ANKRD11: variants seen among roughly 807,000 people sequenced by gnomAD.
The protein encoded by ANKRD11 is ankyrin repeat domain 11, also known as ankyrin repeat domain-containing protein 11.
ANKRD11 carries 17 observed loss-of-function variants against 195.7 expected under a neutral mutation model. That is an observed-to-expected ratio of 0.09 (90% confidence interval 0.06 to 0.13). The LOEUF (loss-of-function observed/expected upper bound fraction) is 0.13. Ranked by LOEUF, ANKRD11 falls within the 10% of genes least tolerant of loss-of-function variation. The pLI is 1.00. For missense variants in ANKRD11, 3,735 were observed against 3,566.1 expected (o/e 1.05, Z -1.21); for synonymous variants, 1,953 against 1,528.1 (o/e 1.28, Z -6.49).
chr16:89,332,556 C>T (rs1328567122), intron 2 of ANKRD11, among the ~76,000 whole-genome samples: 1 of 152,234 alleles, frequency 6.6e-6, no homozygotes, highest in Non-Finnish European at 1.5e-5. Flanking sequence ...AAAATGAGGA[C>T]AAGAACCCAT....
At chr16:89,442,595 G>A (rs1369576479) in intron 1 of ANKRD11, among the ~76,000 whole-genome samples, 1 of 152,150 alleles carries the variant, frequency 6.6e-6, no homozygotes, top group Non-Finnish European at 1.5e-5. Flanking sequence ...TTCAGGAACG[G>A]TTTTACGCAT....
In ANKRD11 at chr16:89,278,733, C is replaced by G. The variant is rs750115842; in HGVS notation, c.7470+339G>C. The stretch of plus-strand genomic sequence containing the variant: ...ACACAGGGGGTGGCTCTCGTGAGGC[C>G]GTCCTGGTGGACGGGGAGTGGAGAG... On this transcript the variant is annotated intron_variant, in intron 9 of 12. Transcript: ENST00000301030. The G allele has an allele frequency of 2.3e-5, 12 of 520,420 alleles. No individual in the cohort carries two copies. The Middle Eastern group carries it at 2.8e-3, about 123-fold the overall frequency. 32.2% of individuals were successfully genotyped at this position (520,420 alleles called of 1,614,324 possible). A position where few individuals can be genotyped will look rare whatever the true frequency, so the allele number is the denominator to read the frequency against.
chr16:89,325,113 A>T (rs2037623255), intron 2 of ANKRD11: 1 of 153,076 alleles, frequency 6.5e-6, no homozygotes, highest in African/African-American at 2.4e-5. Context: ...CCAAAAGAAA[A>T]GCAGGTGCAC....
chr16:89,302,079 T>C (rs2035890392), intron 4 of ANKRD11, among the ~76,000 whole-genome samples: 1 of 152,216 alleles, frequency 6.6e-6, no homozygotes, highest in South Asian at 2.1e-4. Context: ...CAGTTAACCC[T>C]GCACCAATGT....
intron 2 of ANKRD11, chr16:89,320,293 T>C (rs2037228035): frequency 6.6e-6 from 1 of 152,286 alleles, no homozygotes; most frequent in Non-Finnish European, 1.5e-5. Context: ...GACTCTTCCC[T>C]GGAAGGTGAC....
At chr16:89,402,399 T>C (rs922588839) in intron 2 of ANKRD11, among the ~76,000 whole-genome samples, 1 of 152,018 alleles carries the variant, frequency 6.6e-6, no homozygotes, top group African/African-American at 2.4e-5. Flanking sequence ...GCACATCAAT[T>C]TAAATTTAGG....
chr16:89,442,210 C>G (rs2043542815), intron 1 of ANKRD11, among the ~76,000 whole-genome samples: 1 of 152,250 alleles, frequency 6.6e-6, no homozygotes, highest in African/African-American at 2.4e-5. Context: ...CGCACGCCCA[C>G]TGGTGCCAGT....
chr16:89,303,855 A>G (rs1291886578), intron 4 of ANKRD11, among the ~76,000 whole-genome samples: 2 of 151,976 alleles, frequency 1.3e-5, no homozygotes, highest in East Asian at 3.9e-4. Flanking sequence ...CTCTTCAACA[A>G]TCTCCTTCGT....
chr16:89,338,358 T>C (rs2038481706), intron 2 of ANKRD11, among the ~76,000 whole-genome samples: 1 of 149,040 alleles, frequency 6.7e-6, no homozygotes, highest in South Asian at 2.1e-4. Flanking sequence ...ACTGACTACC[T>C]GCAAAATTGA....
At chr16:89,395,303 C>T (rs1211951662) in intron 2 of ANKRD11, among the ~76,000 whole-genome samples, 1 of 152,244 alleles carries the variant, frequency 6.6e-6, no homozygotes, top group Non-Finnish European at 1.5e-5. Context: ...CTCTTTCCAG[C>T]TCCGTAATCC....
intron 1 of ANKRD11, among the ~76,000 whole-genome samples, chr16:89,421,963 T>C (rs2042528266): frequency 6.6e-6 from 1 of 152,202 alleles, no homozygotes; most frequent in Admixed American, 6.5e-5. Context: ...AGGAGTCGGC[T>C]ACACGCATTC....
intron 2 of ANKRD11, among the ~76,000 whole-genome samples, chr16:89,349,895 CACACACACACACACACAT>C (rs1288885378): frequency 5.3e-4 from 71 of 133,686 alleles, no homozygotes; most frequent in South Asian, 1.3e-3. Flanking sequence ...CACACACACA[CACACACACACACACACAT>C]ATTCAAACAA....
At chr16:89,452,076 C>A (rs4594255) in intron 1 of ANKRD11, among the ~76,000 whole-genome samples, 1 of 151,508 alleles carries the variant, frequency 6.6e-6, no homozygotes, top group African/African-American at 2.4e-5. Flanking sequence ...CTGGACAACA[C>A]GGTGAAACCC....
intron 2 of ANKRD11, among the ~76,000 whole-genome samples, chr16:89,332,960 G>T (rs1161889124): frequency 2.0e-5 from 3 of 152,234 alleles, no homozygotes; most frequent in Non-Finnish European, 4.4e-5. Context: ...CAGAACAGCG[G>T]GGCTGCTCCA....
At chr16:89,332,456 G>A (rs185903001) in intron 2 of ANKRD11, among the ~76,000 whole-genome samples, 115 of 152,258 alleles carry the variant, frequency 7.6e-4, no homozygotes, top group Non-Finnish European at 1.5e-3. Context: ...ACCTGTACCC[G>A]CAGCTCTGGG....
chr16:89,442,626 A>G (rs1457899963), intron 1 of ANKRD11, among the ~76,000 whole-genome samples: 1 of 152,192 alleles, frequency 6.6e-6, no homozygotes, highest in Non-Finnish European at 1.5e-5. Flanking sequence ...TTTCCAGATA[A>G]AGCTGAAGCT....
chr16:89,478,410 G>C (rs2057330841), intron 1 of ANKRD11, among the ~76,000 whole-genome samples: 1 of 152,036 alleles, frequency 6.6e-6, no homozygotes, highest in Non-Finnish European at 1.5e-5. Context: ...AGATCCCTCT[G>C]AGGTTAAGCA....
At chr16:89,271,780 A>G (rs1226789350) in intron 11 of ANKRD11, 6 of 152,194 alleles carry the variant, frequency 3.9e-5, no homozygotes, top group Admixed American at 3.9e-4. Flanking sequence ...AAGACCTTAA[A>G]CGATGAAACC....
intron 2 of ANKRD11, among the ~76,000 whole-genome samples, chr16:89,399,213 G>C (rs992466895): frequency 6.6e-6 from 1 of 152,090 alleles, no homozygotes; most frequent in Admixed American, 6.5e-5. Context: ...CGAGTTCAGG[G>C]GCCAGTGGCT....
Sources: allele counts gnomAD v4.1 joint callset (sites outside exome capture counted in the v4.1 genomes callset), GRCh38; gene constraint gnomAD v4.1.1; transcripts MANE v1.5; gene names NCBI Gene and HGNC (gene_info 2026-07-23, HGNC 2026-07-21).